The following SGCZ variants were observed in gnomAD, a reference collection of about 807,000 sequenced individuals.
SGCZ encodes zeta-sarcoglycan.
In SGCZ, 40 loss-of-function variants were observed where a neutral mutation model predicts 41.3. The ratio of observed to expected loss-of-function variants is 0.97; its 90% CI spans 0.75 to 1.26. The LOEUF is 1.26. Ranked by LOEUF, SGCZ falls within the 50% of genes most tolerant of loss-of-function variation. The probability of loss-of-function intolerance (pLI) is 0.00; values close to 1 mark genes in which losing one functional copy is unlikely to be tolerated. For synonymous variants in SGCZ, 206 were observed against 137.5 expected (o/e 1.50, Z -3.49); for missense variants, 552 against 369.8 (o/e 1.49, Z -4.04).
At chr8:14,357,718 C>T (rs1169161393) in intron 2 of SGCZ, among the ~76,000 whole-genome samples, 5 of 152,088 alleles carry the variant, frequency 3.3e-5, no homozygotes, top group African/African-American at 9.7e-5. Flanking sequence ...ATTCTCACAA[C>T]GTTAGCAAAT....
At chr8:14,753,306 C>A (rs1032969380) in intron 1 of SGCZ, among the ~76,000 whole-genome samples, 2 of 152,050 alleles carry the variant, frequency 1.3e-5, no homozygotes, top group Non-Finnish European at 2.9e-5. Context: ...TTCTCCCTGC[C>A]CCACAGGTTC....
intron 1 of SGCZ, among the ~76,000 whole-genome samples, chr8:14,746,144 G>A (rs940603497): frequency 2.6e-5 from 4 of 151,720 alleles, no homozygotes; most frequent in African/African-American, 9.7e-5. Context: ...AACCCACAAG[G>A]TCATTAGCAT....
At chr8:14,263,463 C>G (rs1437196621) in intron 3 of SGCZ, among the ~76,000 whole-genome samples, 4 of 152,008 alleles carry the variant, frequency 2.6e-5, no homozygotes, top group Admixed American at 2.6e-4. Context: ...GCAGGAGAAT[C>G]ACTTGAACCC....
chr8:14,356,057 G>C (rs1803283398), intron 2 of SGCZ, among the ~76,000 whole-genome samples: 1 of 151,942 alleles, frequency 6.6e-6, no homozygotes, highest in South Asian at 2.1e-4. Flanking sequence ...ATAATGCTTG[G>C]GCAGGGGCAG....
At chr8:14,377,405 G>C (rs967208084) in intron 2 of SGCZ, among the ~76,000 whole-genome samples, 1 of 151,816 alleles carries the variant, frequency 6.6e-6, no homozygotes, top group Non-Finnish European at 1.5e-5. Flanking sequence ...ATAATCAACT[G>C]GTAATAGGAA....
At chr8:14,639,561 T>C (rs1806951559) in intron 1 of SGCZ, among the ~76,000 whole-genome samples, 1 of 151,742 alleles carries the variant, frequency 6.6e-6, no homozygotes, top group East Asian at 1.9e-4. Flanking sequence ...GTATTCATAG[T>C]TAATATAGTC....
chr8:15,079,676 G>A (rs916448116), intron 1 of SGCZ, among the ~76,000 whole-genome samples: 6 of 152,048 alleles, frequency 3.9e-5, no homozygotes, highest in African/African-American at 1.2e-4. Context: ...AAGGTTTTCC[G>A]ATCCATTATT....
chr8:14,227,589 C>G (rs1009312207), intron 4 of SGCZ, among the ~76,000 whole-genome samples: 1 of 151,896 alleles, frequency 6.6e-6, no homozygotes, highest in Non-Finnish European at 1.5e-5. Context: ...CAAATGAATT[C>G]AGAACTGATT....
chr8:14,241,433 T>A (rs1798885763), intron 3 of SGCZ, among the ~76,000 whole-genome samples: 1 of 148,592 alleles, frequency 6.7e-6, no homozygotes, highest in Admixed American at 6.8e-5. Context: ...CATGATAAGC[T>A]AGTATAAATA....
chr8:14,571,226 T>A (rs1327068213), intron 1 of SGCZ, among the ~76,000 whole-genome samples: 1 of 152,106 alleles, frequency 6.6e-6, no homozygotes, highest in Non-Finnish European at 1.5e-5. Context: ...ATCTCATGAT[T>A]ACAGCATGGG....
At chr8:14,541,362 C>T (rs995701045) in intron 2 of SGCZ, among the ~76,000 whole-genome samples, 1 of 151,982 alleles carries the variant, frequency 6.6e-6, no homozygotes, top group Non-Finnish European at 1.5e-5. Context: ...CATGTGTTCT[C>T]ATTGTTCAGC....
intron 1 of SGCZ, among the ~76,000 whole-genome samples, chr8:14,958,170 T>C (rs1163991075): frequency 6.6e-6 from 1 of 152,002 alleles, no homozygotes; most frequent in Non-Finnish European, 1.5e-5. Context: ...TTTTTTCTTT[T>C]TACAAACAAA....
At chr8:14,494,157 T>C (rs527394840) in intron 2 of SGCZ, among the ~76,000 whole-genome samples, 1 of 147,402 alleles carries the variant, frequency 6.8e-6, no homozygotes, top group South Asian at 2.1e-4. Context: ...AAGTAATTAA[T>C]CTGATAAACA....
chr8:15,041,505 T>A (rs926528195), intron 1 of SGCZ, among the ~76,000 whole-genome samples: 9 of 152,238 alleles, frequency 5.9e-5, no homozygotes, highest in Admixed American at 4.6e-4. Flanking sequence ...ATGGTTTTAG[T>A]TAAATATGCA....
intron 2 of SGCZ, among the ~76,000 whole-genome samples, chr8:14,328,052 C>A (rs1407299757): frequency 6.6e-6 from 1 of 152,162 alleles, no homozygotes; most frequent in Non-Finnish European, 1.5e-5. Flanking sequence ...CTATTTCTCC[C>A]TTTCTTTTTC....
intron 3 of SGCZ, among the ~76,000 whole-genome samples, chr8:14,265,854 G>C (rs773734134): frequency 6.6e-6 from 1 of 151,342 alleles, no homozygotes; most frequent in South Asian, 2.1e-4. Flanking sequence ...ATACAGTAAA[G>C]AGCATCAATA....
chr8:14,847,096 AAAGAAGAAAGAAGAAAGAAGAAG>A (rs1803142506), intron 1 of SGCZ, among the ~76,000 whole-genome samples: 1 of 148,238 alleles, frequency 6.7e-6, no homozygotes, highest in Non-Finnish European at 1.5e-5. Flanking sequence ...GAAGAAGAAG[AAAGAAGAAAGAAGAAAGAAGAAG>A]AAGAAGAAAG....
chr8:14,648,988 CT>C lies in SGCZ; in HGVS notation c.40-94063del, dbSNP rs1418945869. ...CCTCCCTCATTTCAAAACATTTATACTTTTTCCCCCAACAGTCATACCAACT... is the reference window on the plus strand; with the variant it reads ...CCTCCCTCATTTCAAAACATTTATACTTTTCCCCCAACAGTCATACCAACT... On this transcript the variant is annotated intron_variant, in intron 1 of 7. Transcript: ENST00000382080. 2.0e-5 allele frequency among the ~76,000 whole-genome samples: 3 copies of C among 152,018 alleles called. No homozygotes were observed. In the East Asian group the frequency reaches 5.8e-4, roughly 29 times the overall value.
chr8:15,059,906 A>T (rs1189741519), intron 1 of SGCZ, among the ~76,000 whole-genome samples: 1 of 152,162 alleles, frequency 6.6e-6, no homozygotes, highest in Non-Finnish European at 1.5e-5. Flanking sequence ...AAGTAGGGGA[A>T]TAGAACAATG....
Sources: allele counts gnomAD v4.1 joint callset (sites outside exome capture counted in the v4.1 genomes callset), GRCh38; gene constraint gnomAD v4.1.1; transcripts MANE v1.5; gene names NCBI Gene and HGNC (gene_info 2026-07-23, HGNC 2026-07-21).